Variants in COL14A1 observed in about 807,000 individuals in gnomAD.
COL14A1 encodes collagen type XIV alpha 1 chain.
COL14A1 carries 136 observed loss-of-function variants against 230.3 expected under a neutral mutation model. The observed-to-expected ratio is 0.59, with a 90% CI of 0.51 to 0.68. COL14A1 has a LOEUF of 0.68. Among genes scored for constraint, COL14A1 ranks in the 30% least tolerant of loss-of-function variants. COL14A1 has a pLI of 0.00. For synonymous variants in COL14A1, 792 were observed against 784.1 expected (o/e 1.01, Z -0.17); for missense variants, 1,976 against 2,215.8 (o/e 0.89, Z 2.17).
rs959790813 is a variant in COL14A1, at chr8:120,342,363, C to T, written c.4822-17C>T. 3.7e-6 allele frequency: 6 copies of T among 1,613,224 alleles called. No homozygotes were observed. The African/African-American group carries it at 4.0e-5, about 11-fold the overall frequency. On this transcript the variant is annotated splice_polypyrimidine_tract_variant and intron_variant, in intron 43 of 47. Transcript: ENST00000297848. ...GGCTTGTAGCTGAGTCAGGAGTATG[C>T]TTTTTTTCTCATCCAGGGTGACCTG...
intron 37 of COL14A1, among the ~76,000 whole-genome samples, chr8:120,312,208 G>A (rs993852242): frequency 7.9e-5 from 12 of 151,970 alleles, no homozygotes; most frequent in African/African-American, 2.4e-4. Context: ...TGCCTCCATC[G>A]TATTTTTAAA....
chr8:120,333,364 A>T (rs10096828), intron 42 of COL14A1, among the ~76,000 whole-genome samples: 80,823 of 152,108 alleles, frequency 0.53, 22,944 homozygotes, highest in African/African-American at 0.75. Flanking sequence ...TGAGGTCATC[A>T]TATTACATGG....
intron 41 of COL14A1, 86 bp downstream of exon 41, chr8:120,332,280 AC>A: frequency 7.7e-7 from 1 of 1,291,396 alleles, no homozygotes; most frequent in Non-Finnish European, 1.1e-6. Flanking sequence ...CAGATCTTTT[AC>A]CAGCAGCCGT....
At chr8:120,158,345 A>G (rs1164948379) in intron 3 of COL14A1, 99 bp downstream of exon 3, 8 of 755,522 alleles carry the variant, frequency 1.1e-5, no homozygotes, top group Admixed American at 4.5e-5. Context: ...GATTTTTTGG[A>G]AGCTTTTGGT....
At chr8:120,249,823 G>A (rs1301860627) in intron 21 of COL14A1, among the ~76,000 whole-genome samples, 1 of 152,170 alleles carries the variant, frequency 6.6e-6, no homozygotes, top group Non-Finnish European at 1.5e-5. Context: ...TACGTGTGGG[G>A]CATGGGAAAA....
At chr8:120,230,599 C>T (rs899506981) in intron 18 of COL14A1, among the ~76,000 whole-genome samples, 2 of 152,096 alleles carry the variant, frequency 1.3e-5, no homozygotes, top group Middle Eastern at 3.2e-3. Context: ...GAAGTTCCCT[C>T]CCATTCCCAT....
chr8:120,345,697 G>T, intron 45 of COL14A1, 134 bp downstream of exon 45: 1 of 794,328 alleles, frequency 1.3e-6, no homozygotes, highest in Non-Finnish European at 1.8e-6. Context: ...CTATTCTTCA[G>T]TTTCTTGTTT....
At chr8:120,252,241 C>A (rs547519521) in intron 22 of COL14A1, among the ~76,000 whole-genome samples, 4 of 151,776 alleles carry the variant, frequency 2.6e-5, no homozygotes, top group Non-Finnish European at 2.9e-5. Context: ...TTTGGTTACA[C>A]GGATAAATTC....
At chr8:120,152,971 A>G (rs1194339912) in intron 2 of COL14A1, among the ~76,000 whole-genome samples, 1 of 152,194 alleles carries the variant, frequency 6.6e-6, no homozygotes, top group African/African-American at 2.4e-5. Flanking sequence ...GTAGCCAAAC[A>G]CATTTGAAAA....
In COL14A1 at chr8:120,243,909, C is replaced by A; in HGVS notation, c.2380C>A (p.Leu794Ile). 6.2e-7 allele frequency: 1 copy of A among 1,613,668 alleles called. No homozygotes were observed. The highest frequency in any genetic ancestry group is 8.5e-7 in the Non-Finnish European group (1 of 1,179,678). The stretch of plus-strand genomic sequence containing the variant: ...GGTGCCTGGAAGCCAGAACAACCTC[C>A]TTCTGAAGCCTCTGCTTCCTGATAC... ...VMVPGSQNNL[L>I]LKPLLPDTEY... is the part of the protein sequence containing the mutation. Residue 794 changes from leucine to isoleucine, a missense_variant, in exon 20 of 48, where the codon CTT (leucine) becomes ATT (isoleucine). By Grantham distance (5) the Leu-to-Ile change is conservative (BLOSUM62 2). This residue lies in a region of COL14A1 where 1,791 missense variants were observed against 2,019.5 expected (regional missense o/e 0.89). Coordinates refer to ENST00000297848, the MANE Select transcript of COL14A1 (RefSeq NM_021110.4).
chr8:120,343,290 GCTCT>G (rs1298192797), intron 44 of COL14A1, among the ~76,000 whole-genome samples: 1 of 152,138 alleles, frequency 6.6e-6, no homozygotes, highest in African/African-American at 2.4e-5. Context: ...ACCCCACCCA[GCTCT>G]CGCCTAGCTC....
chr8:120,341,851 C>T (rs778328782), intron 43 of COL14A1, among the ~76,000 whole-genome samples: 9 of 151,792 alleles, frequency 5.9e-5, no homozygotes, highest in Non-Finnish European at 8.8e-5. Flanking sequence ...ATTTAAGGGT[C>T]GTCTCTCTCC....
chr8:120,168,125 G>A (rs376248251), intron 4 of COL14A1, 36 bp from the exon 5 acceptor site: 43 of 1,378,664 alleles, frequency 3.1e-5, no homozygotes, highest in Non-Finnish European at 4.0e-5. Flanking sequence ...TTAGATTTTA[G>A]TATAACATGG....
Position 120,270,149 on chromosome 8 carries a change from A to G in COL14A1, c.3188A>G (p.Asn1063Ser), listed in dbSNP as rs765812869. ...SFLYSTVGALNKIGTDGTQVA... is the reference protein window; with the variant it reads ...SFLYSTVGALSKIGTDGTQVA... ...CTATACAGCACTGTTGGAGCCCTGA[A>G]CAAGATTGGCACAGATGGAACCCAA... The change falls in exon 26 of 48, where the codon AAC becomes AGC. Residue 1063 changes from asparagine to serine, a missense_variant. Physicochemically the swap from Asn to Ser is conservative, Grantham distance 46. Coordinates refer to ENST00000297848, the MANE Select transcript of COL14A1 (RefSeq NM_021110.4). 1.2e-5 allele frequency: 19 copies of G among 1,611,142 alleles called. No individual in the cohort carries two copies. Among genetic ancestry groups the G allele is most frequent in the Admixed American group, 3.3e-5 (2 of 59,728 alleles).
intron 1 of COL14A1, among the ~76,000 whole-genome samples, chr8:120,145,607 G>A (rs1481226604): frequency 6.6e-6 from 1 of 152,182 alleles, no homozygotes; most frequent in Non-Finnish European, 1.5e-5. Flanking sequence ...ACAAGAGTGA[G>A]ACTCTGTCTC....
intron 19 of COL14A1, among the ~76,000 whole-genome samples, chr8:120,238,093 C>A (rs984909483): frequency 2.0e-5 from 3 of 152,160 alleles, no homozygotes; most frequent in Admixed American, 6.5e-5. Context: ...GTCAGGGACC[C>A]ATTTGAGGAG....
At chr8:120,314,896 A>G (rs1203549020) in intron 38 of COL14A1, among the ~76,000 whole-genome samples, 1 of 152,264 alleles carries the variant, frequency 6.6e-6, no homozygotes, top group African/African-American at 2.4e-5. Flanking sequence ...CTACATAGAT[A>G]TGAGATTGTA....
chr8:120,359,002 C>A (rs1823087835), intron 45 of COL14A1, among the ~76,000 whole-genome samples: 1 of 151,614 alleles, frequency 6.6e-6, no homozygotes, highest in Admixed American at 6.6e-5. Flanking sequence ...GTTTGACTTT[C>A]CTGAACTTCT....
intron 23 of COL14A1, among the ~76,000 whole-genome samples, chr8:120,258,573 A>G (rs1488472242): frequency 1.3e-5 from 2 of 152,188 alleles, no homozygotes; most frequent in African/African-American, 2.4e-5. Context: ...GATTTCAGAT[A>G]CAAGACAGGC....
Sources: gnomAD v4.1 joint callset for allele counts (sites outside exome capture counted in the v4.1 genomes callset) on GRCh38, gnomAD v4.1.1 for gene constraint, gnomAD v4.1.1 regional missense constraint, MANE v1.5 for transcripts, NCBI Gene and HGNC (gene_info 2026-07-23, HGNC 2026-07-21) for gene names.